The following FGD2 variants were observed in gnomAD, a reference collection of about 807,000 sequenced individuals.
FGD2 encodes FYVE, RhoGEF and PH domain-containing protein 2.
Under a neutral mutation model 75.9 loss-of-function variants are expected in FGD2, and 52 were observed. The ratio of observed to expected loss-of-function variants is 0.69; its 90% CI spans 0.55 to 0.86. The LOEUF is 0.86. FGD2 is among the 40% of genes least tolerant of loss of function. The probability of loss-of-function intolerance (pLI) is 0.00; values close to 1 mark genes in which losing one functional copy is unlikely to be tolerated. For synonymous variants in FGD2, 347 were observed against 348.6 expected (o/e 1.00, Z 0.05); for missense variants, 790 against 872.0 (o/e 0.91, Z 1.18).
rs140572234 is a variant in FGD2 at position 37,008,971 on chromosome 6, G to C, written c.206G>C (p.Ser69Thr). Residue 69 changes from serine (S) to threonine (T), a missense_variant, in exon 2 of 16, where the codon AGC becomes ACC. By Grantham distance (58) the Ser-to-Thr change is moderately conservative (BLOSUM62 1). Transcript: ENST00000274963. ...EAVGSEPRTVSRRYLNSLKNK... is the reference protein window; with the variant it reads ...EAVGSEPRTVTRRYLNSLKNK... Reference sequence around the variant, plus strand: ...GTGGGGTCTGAGCCCAGGACAGTCAGCAGGAGGTACCTGAACTCCCTGAAG... The same window carrying C: ...GTGGGGTCTGAGCCCAGGACAGTCACCAGGAGGTACCTGAACTCCCTGAAG... 2.9e-3 allele frequency: 4,738 copies of C among 1,614,278 alleles called. 14 individuals carry two copies. Among genetic ancestry groups the C allele is most frequent in the Non-Finnish European group, 3.8e-3 (4,449 of 1,180,052 alleles).
chr6:37,019,537 A>C (rs1355106661), intron 9 of FGD2, among the ~76,000 whole-genome samples: 1 of 152,230 alleles, frequency 6.6e-6, no homozygotes, highest in East Asian at 1.9e-4. Context: ...TAATGGCAAC[A>C]AAGTTGCCCC....
At chr6:37,006,814 G>A (rs766046838) in intron 1 of FGD2, among the ~76,000 whole-genome samples, 24 of 152,154 alleles carry the variant, frequency 1.6e-4, no homozygotes, top group South Asian at 8.3e-4. Context: ...AAGCAGGGCC[G>A]GGCAGGGGGA....
chr6:37,025,192 A>G (rs1308664982), intron 13 of FGD2: 3 of 153,440 alleles, frequency 2.0e-5, no homozygotes, highest in Non-Finnish European at 4.4e-5. Flanking sequence ...TACCCATGTA[A>G]AAACAACCAG....
At chr6:37,007,933 G>A (rs1163630252) in intron 1 of FGD2, among the ~76,000 whole-genome samples, 2 of 152,130 alleles carry the variant, frequency 1.3e-5, no homozygotes, top group East Asian at 3.8e-4. Context: ...TGACTCCGCG[G>A]ACCTGTTTCT....
rs779129701 is a variant in FGD2 at position 37,005,923 on chromosome 6, C to G, written c.68+38C>G. The stretch of plus-strand genomic sequence containing the variant: ...GGGGTGGGAGGGTCACCATGGTGGG[C>G]TGGCAGCCACCCTCCAGCCTTTCTG... On this transcript the variant is annotated intron_variant, in intron 1 of 15. Coordinates refer to ENST00000274963, the MANE Select transcript of FGD2 (RefSeq NM_173558.4). 9.4e-6 allele frequency: 15 copies of G among 1,601,916 alleles called. No individual in the cohort carries two copies. The African/African-American group carries it at 2.0e-4, about 21-fold the overall frequency.
chr6:37,011,124 A>AC, intron 3 of FGD2, 74 bp downstream of exon 3: 1 of 1,401,070 alleles, frequency 7.1e-7, no homozygotes, highest in Non-Finnish European at 1.0e-6. Flanking sequence ...CAGCCTTCCC[A>AC]CCCTGCTCAC....
In FGD2 at chr6:37,014,724, C is replaced by T. The variant is rs1765192610; in HGVS notation, c.882+20C>T. On this transcript the variant is annotated intron_variant, in intron 7 of 15. Coordinates refer to ENST00000274963, the MANE Select transcript of FGD2 (RefSeq NM_173558.4). ...GAGATGGTAAGCAGCCCGCCCTCTC[C>T]TGGAGCCCTGTCCCCCTCCCTGCAG... The T allele has an allele frequency of 1.2e-6, 2 of 1,613,920 alleles. No homozygotes were observed. Among genetic ancestry groups the T allele is most frequent in the South Asian group, 1.1e-5 (1 of 91,078 alleles).
intron 4 of FGD2, chr6:37,013,314 A>C: frequency 2.3e-6 from 1 of 434,764 alleles, no homozygotes; most frequent in Non-Finnish European, 3.6e-6. Context: ...AGCCCTCGTT[A>C]TTGTTACATA....
intron 2 of FGD2, among the ~76,000 whole-genome samples, chr6:37,010,591 G>C (rs117286696): frequency 6.6e-6 from 1 of 152,328 alleles, no homozygotes; most frequent in East Asian, 1.9e-4. Context: ...ACAGCCGGAA[G>C]ACTGGGCTCA....
At chr6:37,025,984 G>A in intron 14 of FGD2, 46 bp downstream of exon 14, 1 of 1,605,160 alleles carries the variant, frequency 6.2e-7, no homozygotes. Context: ...TCTGTTCAGG[G>A]AATGTGTGCC....
chr6:37,020,324 C>A (rs1583315708), intron 9 of FGD2, among the ~76,000 whole-genome samples: 1 of 20,430 alleles, frequency 4.9e-5, no homozygotes, highest in African/African-American at 6.6e-4. Context: ...GCTAAAATTC[C>A]AGGAGCCATA....
chr6:37,025,590 C>T lies in FGD2; in HGVS notation c.1459-202C>T, dbSNP rs994435756. Reference sequence around the variant, plus strand: ...AGCCTAAGAGCCCCGAGCCCGAGCTCCCCCATGTGTCGCAGCCTCCAGGCA... The same window carrying T: ...AGCCTAAGAGCCCCGAGCCCGAGCTTCCCCATGTGTCGCAGCCTCCAGGCA... On this transcript the variant is annotated intron_variant, in intron 13 of 15. Transcript: ENST00000274963. 3 of 597,200 alleles carry T rather than the reference C, an allele frequency of 5.0e-6. No individual in the cohort carries two copies. The African/African-American group carries it at 5.6e-5, about 11-fold the overall frequency. 37.0% of individuals were successfully genotyped at this position (597,200 alleles called of 1,614,324 possible).
At chr6:37,015,529 A>G (rs1765242226) in intron 8 of FGD2, among the ~76,000 whole-genome samples, 1 of 152,140 alleles carries the variant, frequency 6.6e-6, no homozygotes, top group South Asian at 2.1e-4. Context: ...GAGGTCTGCT[A>G]TGGTCCCTTG....
At position 37,009,079 on chromosome 6, in the gene FGD2, G is replaced by A; in HGVS notation, c.300+14G>A. The A allele has an allele frequency of 6.2e-7, 1 of 1,611,758 alleles. No individual in the cohort carries two copies. Among genetic ancestry groups the A allele is most frequent in the Non-Finnish European group, 8.5e-7 (1 of 1,178,732 alleles). On this transcript the variant is annotated intron_variant, in intron 2 of 15. Coordinates refer to ENST00000274963, the MANE Select transcript of FGD2 (RefSeq NM_173558.4). ...TCGGGGACGCAGGTGCCTGAGGGCT[G>A]AGGTAGAGGTGTGGGGTGCTGGGGT... is the stretch of plus-strand genomic sequence containing the variant.
intron 1 of FGD2, among the ~76,000 whole-genome samples, 164 bp from the exon 2 acceptor site, chr6:37,008,670 A>C (rs1300363989): frequency 1.2e-4 from 19 of 152,176 alleles, no homozygotes; most frequent in Non-Finnish European, 1.5e-4. Context: ...ATGTGTTGGG[A>C]GAGAAGTGAA....
chr6:37,022,058 A>C, intron 12 of FGD2, 181 bp from the exon 13 acceptor site: 1 of 785,466 alleles, frequency 1.3e-6, no homozygotes. Context: ...AATAGGAATA[A>C]TGGTAACTAA....
In FGD2 at chr6:37,024,614, G is replaced by T. The variant is rs527881176; in HGVS notation, c.1459-1178G>T. On this transcript the variant is annotated intron_variant, in intron 13 of 15. Transcript: ENST00000274963. ...GTATTATTTGTTCAATTTGTCTGTC[G>T]GTAGGAAATTTTTCAAAATTAAACG... is the stretch of plus-strand genomic sequence containing the variant. 9.9e-5 allele frequency: 15 copies of T among 152,058 alleles called. No homozygotes were observed. In the East Asian group the frequency reaches 2.5e-3, roughly 25 times the overall value. 9.4% of individuals were successfully genotyped at this position (152,058 alleles called of 1,614,324 possible).
intron 9 of FGD2, among the ~76,000 whole-genome samples, chr6:37,018,786 T>C (rs1448281473): frequency 6.6e-6 from 1 of 152,232 alleles, no homozygotes; most frequent in African/African-American, 2.4e-5. Flanking sequence ...AAATGTCTTG[T>C]TCCAACAATA....
rs1368704183 is a variant in FGD2 at position 37,020,578 on chromosome 6, T to A, written c.1160T>A (p.Phe387Tyr). The A allele has an allele frequency of 2.5e-6, 4 of 1,609,064 alleles. No individual in the cohort carries two copies. Among genetic ancestry groups the A allele is most frequent in the Non-Finnish European group, 8.5e-7 (1 of 1,178,282 alleles). The change falls in exon 10 of 16, where the codon TTC becomes TAC. Residue 387 changes from phenylalanine to tyrosine, a missense_variant. Phe to Tyr is a conservative substitution (Grantham distance 22). Coordinates refer to ENST00000274963, the MANE Select transcript of FGD2 (RefSeq NM_173558.4). Reference sequence around the variant, plus strand: ...ATGGATGCTGAGTTTCCCCACTCCTTCCTGGTGTCCGGGAAGCAGCGCACC... The same window carrying A: ...ATGGATGCTGAGTTTCCCCACTCCTACCTGGTGTCCGGGAAGCAGCGCACC... ...ELMDAEFPHS[F>Y]LVSGKQRTLE... is the part of the protein sequence containing the mutation.
Sources: allele counts gnomAD v4.1 joint callset (sites outside exome capture counted in the v4.1 genomes callset), GRCh38; gene constraint gnomAD v4.1.1; transcripts MANE v1.5; gene names NCBI Gene and HGNC (gene_info 2026-07-23, HGNC 2026-07-21).